The following LMBRD1 variants were observed in gnomAD, a reference collection of about 807,000 sequenced individuals.
LMBRD1 encodes the protein lysosomal cobalamin transport escort protein LMBD1.
LMBRD1 carries 64 observed loss-of-function variants against 74.8 expected under a neutral mutation model. The observed-to-expected ratio is 0.86, with a 90% CI of 0.70 to 1.05. The LOEUF (loss-of-function observed/expected upper bound fraction) is 1.05, where lower values mean the gene tolerates loss of function less well. Ranked by LOEUF, LMBRD1 falls within the 50% of genes least tolerant of loss-of-function variation. LMBRD1 has a pLI of 0.00. For missense variants in LMBRD1, 652 were observed against 645.9 expected (o/e 1.01, Z -0.10); for synonymous variants, 204 against 216.3 (o/e 0.94, Z 0.50).
intron 2 of LMBRD1, among the ~76,000 whole-genome samples, chr6:69,786,106 A>T (rs542906532): frequency 3.2e-4 from 48 of 152,344 alleles, no homozygotes; most frequent in African/African-American, 1.0e-3. Context: ...TTGATTATTG[A>T]TCTGGCCTTG....
intron 3 of LMBRD1, among the ~76,000 whole-genome samples, chr6:69,757,109 T>C (rs1213103746): frequency 6.6e-6 from 1 of 152,180 alleles, no homozygotes; most frequent in Non-Finnish European, 1.5e-5. Context: ...GAGTGATATA[T>C]TCACATAAAA....
At chr6:69,761,736 C>A (rs1765378395) in intron 3 of LMBRD1, among the ~76,000 whole-genome samples, 1 of 152,154 alleles carries the variant, frequency 6.6e-6, no homozygotes, top group East Asian at 1.9e-4. Context: ...TCACTACAAT[C>A]CAGTTTTAGA....
At chr6:69,734,425 T>C (rs9346340) in intron 7 of LMBRD1, among the ~76,000 whole-genome samples, 72,724 of 151,274 alleles carry the variant, frequency 0.48, 18,154 homozygotes, top group African/African-American at 0.61. Flanking sequence ...GACGGAGTCT[T>C]GCTCTTGTCT....
intron 5 of LMBRD1, among the ~76,000 whole-genome samples, chr6:69,745,136 C>T (rs557273004): frequency 4.9e-4 from 74 of 150,830 alleles, no homozygotes; most frequent in Non-Finnish European, 8.4e-4. Context: ...GCCCAGCCCA[C>T]AGTGCTGTAA....
intron 12 of LMBRD1, among the ~76,000 whole-genome samples, chr6:69,700,320 T>C (rs1275479425): frequency 6.6e-6 from 1 of 151,858 alleles, no homozygotes; most frequent in African/African-American, 2.4e-5. Flanking sequence ...TCTTTACTAA[T>C]AGGGAGGGCT....
intron 14 of LMBRD1, among the ~76,000 whole-genome samples, chr6:69,693,920 G>C (rs1765942220): frequency 6.6e-6 from 1 of 151,916 alleles, no homozygotes; most frequent in Non-Finnish European, 1.5e-5. Context: ...ATGTGCTATA[G>C]AACAAAACAA....
rs955075041 is a variant in LMBRD1, at chr6:69,686,861, A to G, written c.1418-10320T>C. Among the ~76,000 whole-genome samples, 46 of 152,224 alleles carry G rather than the reference A, an allele frequency of 3.0e-4. 1 individual carries two copies. The highest frequency in any genetic ancestry group is 2.6e-4 in the Admixed American group (4 of 15,276). On this transcript the variant is annotated intron_variant, in intron 14 of 15. Coordinates refer to ENST00000649934, the MANE Select transcript of LMBRD1 (RefSeq NM_018368.4). ...TTGTAAGTTTTATTGAAACATAGCTACAGCCATCCCTTAAGTAATGTCTAT... is the reference window on the plus strand; with the variant it reads ...TTGTAAGTTTTATTGAAACATAGCTGCAGCCATCCCTTAAGTAATGTCTAT...
intron 7 of LMBRD1, among the ~76,000 whole-genome samples, chr6:69,735,810 T>C (rs569571586): frequency 1.2e-4 from 19 of 152,324 alleles, no homozygotes. Flanking sequence ...AGTATAAACT[T>C]CAAAACCCTA....
At chr6:69,789,944 T>C (rs1382030651) in intron 2 of LMBRD1, among the ~76,000 whole-genome samples, 6 of 152,232 alleles carry the variant, frequency 3.9e-5, no homozygotes, top group Non-Finnish European at 5.9e-5. Flanking sequence ...AAGTACTCAA[T>C]ATGAAACGGA....
At chr6:69,691,895 A>G (rs936191355) in intron 14 of LMBRD1, among the ~76,000 whole-genome samples, 1 of 151,244 alleles carries the variant, frequency 6.6e-6, no homozygotes, top group Non-Finnish European at 1.5e-5. Context: ...AAAAAAAAAA[A>G]AGAAAGAAAG....
At chr6:69,749,891 T>C (rs1275741528) in intron 4 of LMBRD1, among the ~76,000 whole-genome samples, 2 of 131,554 alleles carry the variant, frequency 1.5e-5, no homozygotes, top group Non-Finnish European at 3.0e-5. Flanking sequence ...CACATATACA[T>C]ACTCATATAT....
chr6:69,737,807 G>A, intron 7 of LMBRD1, 135 bp downstream of exon 7: 1 of 700,446 alleles, frequency 1.4e-6, no homozygotes, highest in Non-Finnish European at 2.5e-6. Flanking sequence ...TTACCCTTAA[G>A]TAAAGAAAAC....
intron 14 of LMBRD1, 62 bp downstream of exon 14, chr6:69,697,501 A>G (rs1464251783): frequency 6.9e-6 from 8 of 1,152,374 alleles, no homozygotes; most frequent in Non-Finnish European, 1.0e-5. Flanking sequence ...TGATTAACAC[A>G]GCAAAATGCC....
chr6:69,726,905 A>G (rs1582093167), intron 7 of LMBRD1, among the ~76,000 whole-genome samples: 1 of 152,174 alleles, frequency 6.6e-6, no homozygotes. Context: ...TGTAATCCCA[A>G]CACTTTGGGA....
At chr6:69,725,688 A>C (rs1234934209) in intron 7 of LMBRD1, among the ~76,000 whole-genome samples, 1 of 152,192 alleles carries the variant, frequency 6.6e-6, no homozygotes, top group Non-Finnish European at 1.5e-5. Flanking sequence ...CCATATGTAG[A>C]AGAATGAATC....
intron 3 of LMBRD1, among the ~76,000 whole-genome samples, chr6:69,779,306 T>G (rs868803050): frequency 5.3e-5 from 8 of 152,232 alleles, no homozygotes; most frequent in Middle Eastern, 3.4e-3. Flanking sequence ...GAATCTTTAT[T>G]GCTGAAAAAA....
intron 8 of LMBRD1, among the ~76,000 whole-genome samples, chr6:69,716,989 AAC>A (rs946014577): frequency 2.0e-5 from 3 of 151,082 alleles, no homozygotes; most frequent in African/African-American, 7.3e-5. Context: ...TATACTCACA[AAC>A]AGTCTATCTA....
intron 6 of LMBRD1, among the ~76,000 whole-genome samples, chr6:69,740,696 G>A (rs9364056): frequency 0.36 from 54,860 of 151,976 alleles, 10,494 homozygotes; most frequent in East Asian, 0.54. Context: ...AAAGAAAGAA[G>A]TGCTGATTAA....
intron 3 of LMBRD1, among the ~76,000 whole-genome samples, chr6:69,767,015 T>C (rs1330665376): frequency 6.6e-6 from 1 of 151,812 alleles, no homozygotes; most frequent in Admixed American, 6.6e-5. Context: ...CAACATTCCT[T>C]TGTAATTCTT....
Sources: allele counts gnomAD v4.1 joint callset (sites outside exome capture counted in the v4.1 genomes callset), GRCh38; gene constraint gnomAD v4.1.1; transcripts MANE v1.5; gene names NCBI Gene and HGNC (gene_info 2026-07-23, HGNC 2026-07-21).